SGSM1: variants seen among roughly 807,000 people sequenced by gnomAD.
The protein encoded by SGSM1 is small G protein signaling modulator 1, also known as RUN and TBC1 domain containing 2.
Under a neutral mutation model 133.8 loss-of-function variants are expected in SGSM1, and 73 were observed. That is an observed-to-expected ratio of 0.55 (90% CI 0.45 to 0.66). The LOEUF is 0.66. Among genes scored for constraint, SGSM1 ranks in the 30% least tolerant of loss-of-function variants. The pLI, the probability that SGSM1 is intolerant of heterozygous loss-of-function variation, is 0.00. For missense variants in SGSM1, 1,213 were observed against 1,448.1 expected (o/e 0.84, Z 2.64); for synonymous variants, 563 against 573.0 (o/e 0.98, Z 0.25).
chr22:24,884,484 C>T (rs111526380), intron 15 of SGSM1, among the ~76,000 whole-genome samples: 3,919 of 152,226 alleles, frequency 0.026, 143 homozygotes, highest in African/African-American at 0.089. Context: ...GGGATGGGCA[C>T]GGTGGCTCAC....
intron 22 of SGSM1, among the ~76,000 whole-genome samples, chr22:24,914,473 C>T (rs201403280): frequency 2.3e-4 from 14 of 59,612 alleles, no homozygotes; most frequent in Admixed American, 6.1e-4. Context: ...GAGACTCTGT[C>T]CCCCCCCCCA....
chr22:24,814,912 C>CT (rs1927976471), intron 2 of SGSM1, among the ~76,000 whole-genome samples: 1 of 152,170 alleles, frequency 6.6e-6, no homozygotes, highest in African/African-American at 2.4e-5. Flanking sequence ...GGTCTTCCCT[C>CT]TGAGGCTGGC....
In SGSM1 at chr22:24,919,914, G is replaced by A. The variant is rs777302974; in HGVS notation, c.3114G>A (p.Ala1038=). ...VSSAHYVLFI[A]LALVEVYRDI... Reference sequence around the variant, plus strand: ...CTGCGCACTACGTCCTGTTCATTGCGCTGGCTCTGGTGGAAGTCTACCGTG... The same window carrying A: ...CTGCGCACTACGTCCTGTTCATTGCACTGGCTCTGGTGGAAGTCTACCGTG... Residue 1038 remains alanine (A), a synonymous_variant, in exon 24 of 25, where the codon GCG becomes GCA. Coordinates refer to ENST00000400358, the MANE Select transcript of SGSM1 (RefSeq NM_001098497.3). 81 of 1,613,858 alleles carry A rather than the reference G, an allele frequency of 5.0e-5. No homozygotes were observed. Among genetic ancestry groups the A allele is most frequent in the Middle Eastern group, 3.3e-4 (2 of 6,084 alleles).
chr22:24,874,536 G>C lies in SGSM1; in HGVS notation c.1292-2041G>C, dbSNP rs762938788. 8 of 1,611,656 alleles carry C rather than the reference G, an allele frequency of 5.0e-6. 1 individual carries two copies. The highest frequency in any genetic ancestry group is 3.3e-4 in the Middle Eastern group (2 of 6,040). The stretch of plus-strand genomic sequence containing the variant: ...GGAGTCAGTGGGAGCCAGCCAGATG[G>C]GACACTACTCTCCCCACGCCAAGCC... On this transcript the variant is annotated intron_variant, in intron 12 of 24. Transcript: ENST00000400358.
chr22:24,855,512 A>C, intron 7 of SGSM1, 37 bp from the exon 8 acceptor site: 1 of 1,613,434 alleles, frequency 6.2e-7, no homozygotes, highest in Non-Finnish European at 8.5e-7. Flanking sequence ...AAATCACCCC[A>C]GGCCTCATCC....
At chr22:24,899,615 C>T (rs1437707950) in intron 19 of SGSM1, among the ~76,000 whole-genome samples, 2 of 151,072 alleles carry the variant, frequency 1.3e-5, no homozygotes, top group South Asian at 4.2e-4. Flanking sequence ...CTCTGCGTCC[C>T]GAATTCATGC....
intron 5 of SGSM1, 43 bp downstream of exon 5, chr22:24,850,475 C>A (rs1004660131): frequency 6.3e-7 from 1 of 1,595,730 alleles, no homozygotes; most frequent in African/African-American, 1.3e-5. Flanking sequence ...TCTGCCCCCA[C>A]CTGCCGGCCG....
intron 12 of SGSM1, chr22:24,874,311 G>T (rs147497627): frequency 7.5e-6 from 9 of 1,201,132 alleles, no homozygotes; most frequent in Non-Finnish European, 8.1e-6. Flanking sequence ...GAGCCGGGAA[G>T]GGGGAGGGTT....
intron 3 of SGSM1, among the ~76,000 whole-genome samples, chr22:24,845,893 T>C (rs934027568): frequency 3.3e-5 from 5 of 152,158 alleles, no homozygotes; most frequent in African/African-American, 1.2e-4. Flanking sequence ...GATCCACCTC[T>C]GCTGCTTTCT....
chr22:24,883,071 ATT>A (rs756077282), intron 14 of SGSM1, among the ~76,000 whole-genome samples: 30 of 139,090 alleles, frequency 2.2e-4, no homozygotes, highest in African/African-American at 3.4e-4. Flanking sequence ...ATTTTTTTGT[ATT>A]TTTTTTTTTT....
At chr22:24,914,347 A>G (rs1046024444) in intron 22 of SGSM1, among the ~76,000 whole-genome samples, 17 of 151,298 alleles carry the variant, frequency 1.1e-4, no homozygotes, top group East Asian at 3.9e-4. Context: ...GCACACGCCT[A>G]TAATCCCAGC....
At chr22:24,902,179 G>A (rs758982310) in intron 20 of SGSM1, among the ~76,000 whole-genome samples, 96 of 152,220 alleles carry the variant, frequency 6.3e-4, no homozygotes, top group Middle Eastern at 3.4e-3. Flanking sequence ...TACTATCATC[G>A]CTCACTTATT....
chr22:24,898,629 C>T, intron 19 of SGSM1, 70 bp downstream of exon 19: 3 of 1,441,164 alleles, frequency 2.1e-6, no homozygotes, highest in Non-Finnish European at 1.9e-6. Context: ...TACTACAAGC[C>T]TGTTATCCAG....
rs528282151 is a variant in SGSM1, at chr22:24,905,194, G to A, written c.2818+7G>A. 6.8e-6 allele frequency: 11 copies of A among 1,613,382 alleles called. No individual in the cohort carries two copies. The Admixed American group carries it at 8.3e-5, about 12-fold the overall frequency. ...CTGGTCATTCTGGATGATGGTGAGT[G>A]TGTCTTTACTGCCCTAGGGCTGAGG... On this transcript the variant is annotated splice_region_variant and intron_variant, in intron 21 of 24. Transcript: ENST00000400358.
At chr22:24,886,869 C>A (rs1384240309) in intron 16 of SGSM1, 141 bp downstream of exon 16, 2 of 1,139,400 alleles carry the variant, frequency 1.8e-6, no homozygotes, top group Non-Finnish European at 2.4e-6. Context: ...GCGGCGCTGT[C>A]CAATAGAAAC....
chr22:24,886,475 G>A (rs1384638414), intron 15 of SGSM1, 125 bp from the exon 16 acceptor site: 7 of 1,264,204 alleles, frequency 5.5e-6, no homozygotes, highest in East Asian at 5.4e-5. Context: ...AGGCCAAGGC[G>A]GGCAGATCAC....
intron 15 of SGSM1, 119 bp downstream of exon 15, chr22:24,884,317 A>T (rs1932491671): frequency 7.5e-7 from 1 of 1,329,018 alleles, no homozygotes; most frequent in Non-Finnish European, 1.0e-6. Flanking sequence ...TGGATTCTGC[A>T]TATGCAAATT....
In SGSM1 at chr22:24,861,940, GTTTC is replaced by G. The variant is rs200414447; in HGVS notation, c.926+2116_926+2119del. Among the ~76,000 whole-genome samples the G allele has an allele frequency of 5.6e-3, 831 of 148,704 alleles. 48 individuals carry two copies. In the East Asian group the frequency reaches 0.13, roughly 23 times the overall value. ...CCACCTCGGCTTCCCAGAGTCTAGA[GTTTC>G]TTTCTTTCTTTCTTTTTTTTTTTTT... On this transcript the variant is annotated intron_variant, in intron 9 of 24. Coordinates refer to ENST00000400358, the MANE Select transcript of SGSM1 (RefSeq NM_001098497.3).
intron 14 of SGSM1, among the ~76,000 whole-genome samples, chr22:24,881,691 G>GTCA (rs1008867303): frequency 4.6e-5 from 7 of 152,064 alleles, no homozygotes; most frequent in African/African-American, 7.2e-5. Context: ...TTATATCATC[G>GTCA]TCATCATCAT....
Sources: allele counts gnomAD v4.1 joint callset (sites outside exome capture counted in the v4.1 genomes callset), GRCh38; gene constraint gnomAD v4.1.1; transcripts MANE v1.5; gene names NCBI Gene and HGNC (gene_info 2026-07-23, HGNC 2026-07-21).